Variants in FARS2 observed in about 807,000 individuals in gnomAD.
FARS2 encodes phenylalanyl-tRNA synthetase 2, mitochondrial.
In FARS2, 40 loss-of-function variants were observed where a neutral mutation model predicts 46.4. The ratio of observed to expected loss-of-function variants is 0.86; its 90% CI spans 0.67 to 1.12. The LOEUF (loss-of-function observed/expected upper bound fraction) is 1.12, where lower values mean the gene tolerates loss of function less well. Ranked by LOEUF, FARS2 falls within the 50% of genes most tolerant of loss-of-function variation. The pLI is 0.00. For missense variants in FARS2, 513 were observed against 567.9 expected (o/e 0.90, Z 0.98); for synonymous variants, 234 against 214.9 (o/e 1.09, Z -0.78).
chr6:5,322,320 A>G (rs185716523), intron 1 of FARS2, among the ~76,000 whole-genome samples: 115 of 152,340 alleles, frequency 7.5e-4, no homozygotes, highest in Admixed American at 1.4e-3. Context: ...TTAGATTATA[A>G]AAGTACAGAG....
chr6:5,392,536 T>C (rs1041133812), intron 2 of FARS2, among the ~76,000 whole-genome samples: 5 of 151,976 alleles, frequency 3.3e-5, no homozygotes, highest in Non-Finnish European at 5.9e-5. Context: ...AGTTATATAT[T>C]TTTCTATACA....
intron 1 of FARS2, among the ~76,000 whole-genome samples, chr6:5,333,491 T>G (rs1255338817): frequency 6.6e-6 from 1 of 152,128 alleles, no homozygotes; most frequent in East Asian, 1.9e-4. Flanking sequence ...AAACATGAAG[T>G]GGGAAAGTTG....
chr6:5,526,288 AG>A (rs1484755940), intron 4 of FARS2, among the ~76,000 whole-genome samples: 5 of 152,226 alleles, frequency 3.3e-5, no homozygotes, highest in Non-Finnish European at 4.4e-5. Flanking sequence ...ATAATGATGA[AG>A]AGAGATGCAA....
At chr6:5,425,527 A>C (rs1012406118) in intron 3 of FARS2, among the ~76,000 whole-genome samples, 2 of 151,962 alleles carry the variant, frequency 1.3e-5, no homozygotes, top group South Asian at 2.1e-4. Context: ...ACACACACAC[A>C]CCCGCCCTGC....
intron 6 of FARS2, among the ~76,000 whole-genome samples, chr6:5,762,525 G>A (rs759140673): frequency 6.6e-6 from 1 of 152,258 alleles, no homozygotes; most frequent in South Asian, 2.1e-4. Flanking sequence ...ACCAGGAGAA[G>A]TCACAGGGAG....
chr6:5,700,373 C>A (rs1178756690), intron 6 of FARS2, among the ~76,000 whole-genome samples: 1 of 150,738 alleles, frequency 6.6e-6, no homozygotes, highest in Non-Finnish European at 1.5e-5. Flanking sequence ...AACTGAGGAG[C>A]TTTTAAAAAT....
At chr6:5,722,655 G>C (rs1419787318) in intron 6 of FARS2, among the ~76,000 whole-genome samples, 1 of 152,164 alleles carries the variant, frequency 6.6e-6, no homozygotes, top group Non-Finnish European at 1.5e-5. Context: ...AGGTCAGTGA[G>C]GCTGTCAAGG....
intron 2 of FARS2, among the ~76,000 whole-genome samples, chr6:5,395,125 G>A (rs1051647645): frequency 1.3e-5 from 2 of 152,022 alleles, no homozygotes; most frequent in South Asian, 2.1e-4. Context: ...ATCTTGGCTC[G>A]CTTCAACCTC....
intron 6 of FARS2, among the ~76,000 whole-genome samples, chr6:5,625,375 C>CT (rs893469437): frequency 6.6e-6 from 1 of 152,170 alleles, no homozygotes; most frequent in African/African-American, 2.4e-5. Flanking sequence ...GGGGTGCAGG[C>CT]TGAGGCAGCT....
intron 6 of FARS2, among the ~76,000 whole-genome samples, chr6:5,651,003 T>A (rs1013200521): frequency 6.6e-6 from 1 of 152,228 alleles, no homozygotes; most frequent in Non-Finnish European, 1.5e-5. Context: ...AGACTTTTGA[T>A]TAAAGATGGC....
At chr6:5,275,705 CCCTACTGG>C (rs1414149231) in intron 1 of FARS2, among the ~76,000 whole-genome samples, 1 of 151,972 alleles carries the variant, frequency 6.6e-6, no homozygotes, top group East Asian at 1.9e-4. Context: ...TTATATTGCT[CCCTACTGG>C]CCAGGATTTA....
intron 2 of FARS2, among the ~76,000 whole-genome samples, chr6:5,387,606 T>TC (rs1760219686): frequency 6.6e-6 from 1 of 152,246 alleles, no homozygotes; most frequent in South Asian, 2.1e-4. Context: ...AATTTGGTTC[T>TC]TGACTCGGCA....
At chr6:5,701,073 G>A (rs79789087) in intron 6 of FARS2, among the ~76,000 whole-genome samples, 3,923 of 152,338 alleles carry the variant, frequency 0.026, 183 homozygotes, top group African/African-American at 0.089. Context: ...TGAAAAGCCT[G>A]CTGCAAAGGG....
At chr6:5,597,186 G>A (rs1444296533) in intron 5 of FARS2, among the ~76,000 whole-genome samples, 1 of 152,160 alleles carries the variant, frequency 6.6e-6, no homozygotes, top group Non-Finnish European at 1.5e-5. Flanking sequence ...CCAACAGATG[G>A]CCAAAAACTT....
chr6:5,758,117 C>A (rs1037966991), intron 6 of FARS2, among the ~76,000 whole-genome samples: 19 of 152,018 alleles, frequency 1.2e-4, no homozygotes, highest in Middle Eastern at 3.2e-3. Flanking sequence ...AAACAGTAAG[C>A]ACAAACATTC....
chr6:5,359,832 C>T (rs1758189675), intron 1 of FARS2, among the ~76,000 whole-genome samples: 1 of 152,238 alleles, frequency 6.6e-6, no homozygotes, highest in African/African-American at 2.4e-5. Flanking sequence ...GGGTTCTGAG[C>T]TGTAGACACT....
intron 5 of FARS2, among the ~76,000 whole-genome samples, chr6:5,558,633 T>C (rs1000423068): frequency 6.6e-6 from 1 of 151,924 alleles, no homozygotes; most frequent in Non-Finnish European, 1.5e-5. Flanking sequence ...GCCTCGCGGG[T>C]TCATGCCATT....
At chr6:5,521,598 G>A (rs1042834948) in intron 4 of FARS2, among the ~76,000 whole-genome samples, 23 of 152,138 alleles carry the variant, frequency 1.5e-4, no homozygotes, top group African/African-American at 3.9e-4. Flanking sequence ...TTATAAAGCC[G>A]GGAAAGCTCT....
At chr6:5,736,315 G>T (rs1200942247) in intron 6 of FARS2, among the ~76,000 whole-genome samples, 3 of 152,212 alleles carry the variant, frequency 2.0e-5, no homozygotes, top group Non-Finnish European at 4.4e-5. Context: ...CATCACTTCT[G>T]CCATATTCTC....
Sources: allele counts gnomAD v4.1 joint callset (sites outside exome capture counted in the v4.1 genomes callset), GRCh38; gene constraint gnomAD v4.1.1; transcripts MANE v1.5; gene names NCBI Gene and HGNC (gene_info 2026-07-23, HGNC 2026-07-21).